The following RORA variants were observed in gnomAD, a reference collection of about 807,000 sequenced individuals.
RORA encodes the protein RAR related orphan receptor A, also known as nuclear receptor ROR-alpha.
In RORA, 7 loss-of-function variants were observed where a neutral mutation model predicts 69.5. That is an observed-to-expected ratio of 0.10 (90% CI 0.06 to 0.19). The LOEUF (loss-of-function observed/expected upper bound fraction) is 0.19, where lower values mean the gene tolerates loss of function less well. RORA is among the 10% of genes least tolerant of loss of function. RORA has a pLI of 1.00. For synonymous variants in RORA, 261 were observed against 240.8 expected, an observed-to-expected ratio of 1.08 and a Z score of -0.78; for missense variants, 457 against 663.0, an observed-to-expected ratio of 0.69 and a Z score of 3.41.
chr15:60,994,311 G>T (rs1159319627), intron 1 of RORA, among the ~76,000 whole-genome samples: 1 of 152,186 alleles, frequency 6.6e-6, no homozygotes, highest in Non-Finnish European at 1.5e-5. Context: ...ACACTTAGAG[G>T]CTTCCAAGGC....
chr15:60,836,628 G>C (rs1183583175), intron 1 of RORA, among the ~76,000 whole-genome samples: 1 of 152,130 alleles, frequency 6.6e-6, no homozygotes, highest in East Asian at 1.9e-4. Context: ...GGGGACTCCA[G>C]ACATAGCATT....
chr15:61,005,407 A>G (rs937861927), intron 1 of RORA, among the ~76,000 whole-genome samples: 3 of 152,112 alleles, frequency 2.0e-5, no homozygotes, highest in Admixed American at 6.5e-5. Flanking sequence ...TTGAACCTGG[A>G]AAGTGGAGGC....
intron 2 of RORA, among the ~76,000 whole-genome samples, chr15:60,616,978 A>T (rs1216833512): frequency 6.6e-6 from 1 of 152,212 alleles, no homozygotes; most frequent in Non-Finnish European, 1.5e-5. Flanking sequence ...GATTCATATA[A>T]AAGACAATGC....
intron 1 of RORA, among the ~76,000 whole-genome samples, chr15:61,097,510 C>G (rs2140736944): frequency 6.6e-6 from 1 of 152,098 alleles, no homozygotes; most frequent in East Asian, 1.9e-4. Context: ...TTCCCTCTGC[C>G]TGGAAGGTAA....
chr15:60,662,541 A>G (rs1407166818), intron 2 of RORA, among the ~76,000 whole-genome samples: 1 of 152,214 alleles, frequency 6.6e-6, no homozygotes, highest in Admixed American at 6.5e-5. Context: ...TGGAATGTCC[A>G]TGTGTGGAAA....
At chr15:60,532,933 AG>A (rs944586416) in intron 2 of RORA, among the ~76,000 whole-genome samples, 2 of 152,186 alleles carry the variant, frequency 1.3e-5, no homozygotes, top group Admixed American at 6.5e-5. Flanking sequence ...GCCCTTACCT[AG>A]CCCCAGACCT....
At chr15:60,933,712 T>C (rs1157954700) in intron 1 of RORA, among the ~76,000 whole-genome samples, 3 of 152,230 alleles carry the variant, frequency 2.0e-5, no homozygotes, top group Non-Finnish European at 2.9e-5. Flanking sequence ...AATGAATGAA[T>C]TTAGAAAATC....
rs371082261 is a variant in RORA, at chr15:61,025,251, A to T, written c.166+203802T>A. Among the ~76,000 whole-genome samples, 61 of 152,298 alleles carry T rather than the reference A, an allele frequency of 4.0e-4. 1 individual carries two copies. In the East Asian group the frequency reaches 9.7e-3, roughly 24 times the overall value. Reference sequence around the variant, plus strand: ...ACTTAATTTCTCCACAGGCTTCTCAAATCCTAAAACACGTCTCTGTCCACG... The same window carrying T: ...ACTTAATTTCTCCACAGGCTTCTCATATCCTAAAACACGTCTCTGTCCACG... On this transcript the variant is annotated intron_variant, in intron 1 of 10. Transcript: ENST00000335670.
intron 1 of RORA, among the ~76,000 whole-genome samples, chr15:61,036,276 C>T (rs531822396): frequency 1.3e-5 from 2 of 152,084 alleles, no homozygotes; most frequent in Non-Finnish European, 1.5e-5. Flanking sequence ...AGGAGAGCAT[C>T]GGCAAAGATA....
At chr15:61,035,963 T>A (rs1271178917) in intron 1 of RORA, among the ~76,000 whole-genome samples, 1 of 151,960 alleles carries the variant, frequency 6.6e-6, no homozygotes, top group Non-Finnish European at 1.5e-5. Flanking sequence ...GAGGGAATGG[T>A]ATGTGGAAGA....
intron 1 of RORA, among the ~76,000 whole-genome samples, chr15:61,012,943 C>T (rs1895135857): frequency 6.6e-6 from 1 of 152,202 alleles, no homozygotes; most frequent in South Asian, 2.1e-4. Context: ...AGCCACCGCG[C>T]TCCCAGCCTC....
chr15:60,918,964 T>G (rs1485796616), intron 1 of RORA, among the ~76,000 whole-genome samples: 11 of 152,182 alleles, frequency 7.2e-5, no homozygotes, highest in African/African-American at 2.7e-4. Flanking sequence ...GCCTGTCCTC[T>G]GCTCTGTGGG....
chr15:61,165,006 C>A (rs1023516500), intron 1 of RORA, among the ~76,000 whole-genome samples: 1 of 152,190 alleles, frequency 6.6e-6, no homozygotes, highest in Non-Finnish European at 1.5e-5. Context: ...CTACCCCTCT[C>A]CTGTGGCTCC....
intron 1 of RORA, among the ~76,000 whole-genome samples, chr15:60,784,028 T>A (rs1401748984): frequency 6.6e-6 from 1 of 152,228 alleles, no homozygotes; most frequent in Non-Finnish European, 1.5e-5. Flanking sequence ...CACATGCTGG[T>A]CAGTAAACAG....
chr15:60,516,624 G>C (rs1205268286), intron 3 of RORA, among the ~76,000 whole-genome samples: 1 of 151,810 alleles, frequency 6.6e-6, no homozygotes, highest in Non-Finnish European at 1.5e-5. Flanking sequence ...AACTGATAAG[G>C]GTGCTCTCCC....
At chr15:61,120,179 C>T (rs2079089284) in intron 1 of RORA, among the ~76,000 whole-genome samples, 1 of 152,082 alleles carries the variant, frequency 6.6e-6, no homozygotes, top group Non-Finnish European at 1.5e-5. Flanking sequence ...TGGGTGGTGG[C>T]TAGACAGATG....
chr15:61,227,269 T>C (rs2080154873), intron 1 of RORA, among the ~76,000 whole-genome samples: 1 of 150,648 alleles, frequency 6.6e-6, no homozygotes, highest in South Asian at 2.1e-4. Context: ...TGTTTCTGAT[T>C]AACCCTGTTA....
At chr15:60,665,334 A>G (rs531135149) in intron 2 of RORA, among the ~76,000 whole-genome samples, 12 of 152,204 alleles carry the variant, frequency 7.9e-5, no homozygotes, top group African/African-American at 2.2e-4. Flanking sequence ...GTAGATGCCA[A>G]TGGTAACTGA....
intron 2 of RORA, among the ~76,000 whole-genome samples, chr15:60,631,745 G>T (rs1171195082): frequency 2.6e-5 from 4 of 152,214 alleles, no homozygotes; most frequent in Non-Finnish European, 5.9e-5. Context: ...AACCTCACAG[G>T]CTCCTGGCTT....
Sources: gnomAD v4.1 joint callset for allele counts (sites outside exome capture counted in the v4.1 genomes callset) on GRCh38, gnomAD v4.1.1 for gene constraint, MANE v1.5 for transcripts, NCBI Gene and HGNC (gene_info 2026-07-23, HGNC 2026-07-21) for gene names.